Variants in PLLP observed in about 807,000 individuals in gnomAD.
The protein encoded by PLLP is plasmolipin.
PLLP carries 15 observed loss-of-function variants against 19.7 expected under a neutral mutation model. The observed-to-expected ratio is 0.76, with a 90% CI of 0.51 to 1.17. The LOEUF is 1.17. PLLP is among the 50% of genes most tolerant of loss of function. The pLI, the probability that PLLP is intolerant of heterozygous loss-of-function variation, is 0.00. For synonymous variants in PLLP, 111 were observed against 116.3 expected (o/e 0.95, Z 0.29); for missense variants, 255 against 258.3 (o/e 0.99, Z 0.09).
At chr16:57,257,621 C>T (rs1416077091) in intron 3 of PLLP, among the ~76,000 whole-genome samples, 7 of 152,134 alleles carry the variant, frequency 4.6e-5, no homozygotes, top group East Asian at 3.9e-4. Flanking sequence ...CTGTGGGTGT[C>T]GCAGGATCCT....
chr16:57,258,609 G>A lies in PLLP; in HGVS notation c.310-25C>T. ...ACTGCAGGACATGGGGGTAGGGAGT[G>A]GGGAGAGAAAAGGCTTAAGACACAA... On this transcript the variant is annotated intron_variant, in intron 2 of 3. Transcript: ENST00000219207. 1.9e-6 allele frequency: 3 copies of A among 1,610,618 alleles called. No homozygotes were observed. In the African/African-American group the frequency reaches 4.0e-5, roughly 21 times the overall value.
At chr16:57,257,841 T>TGACC (rs2075430595) in intron 3 of PLLP, among the ~76,000 whole-genome samples, 2 of 152,200 alleles carry the variant, frequency 1.3e-5, no homozygotes, top group South Asian at 4.1e-4. Flanking sequence ...AGGGGGCACG[T>TGACC]GACCCTAAGG....
chr16:57,281,517 C>CTTTTTTTTTTTTTTTTTTTTTTTTTTT (rs771314004), intron 1 of PLLP, among the ~76,000 whole-genome samples: 1 of 130,142 alleles, frequency 7.7e-6, no homozygotes, highest in African/African-American at 3.1e-5. Context: ...TTTTTTATTT[C>CTTTTTTTTTTTTTTTTTTTTTTTTTTT]TTTTTTTTTT....
intron 1 of PLLP, among the ~76,000 whole-genome samples, chr16:57,264,325 G>A (rs1175334829): frequency 4.6e-5 from 7 of 152,218 alleles, no homozygotes; most frequent in Non-Finnish European, 1.0e-4. Flanking sequence ...GTGGGGCCTC[G>A]AGCTTGGAAG....
At chr16:57,281,517 CT>C (rs771314004) in intron 1 of PLLP, among the ~76,000 whole-genome samples, 38 of 130,050 alleles carry the variant, frequency 2.9e-4, no homozygotes, top group East Asian at 2.3e-4. Flanking sequence ...TTTTTTATTT[CT>C]TTTTTTTTTT....
intron 1 of PLLP, among the ~76,000 whole-genome samples, chr16:57,281,180 G>A (rs1901214576): frequency 6.6e-6 from 1 of 152,218 alleles, no homozygotes; most frequent in South Asian, 2.1e-4. Context: ...TGGGAAGGTA[G>A]CAGCAAAGCC....
At chr16:57,269,701 C>T (rs1472282934) in intron 1 of PLLP, among the ~76,000 whole-genome samples, 1 of 151,982 alleles carries the variant, frequency 6.6e-6, no homozygotes, top group African/African-American at 2.4e-5. Context: ...GGAATGCAGG[C>T]CTGGGGTGAC....
At position 57,258,461 on chromosome 16, in the gene PLLP, C is replaced by T; in HGVS notation, c.432+1G>A. Reference sequence around the variant, plus strand: ...CAAGGGAGCCTGGGAAGCAGACTCACCGAGGCAGCCGCGCGCTGGTTATAA... The same window carrying T: ...CAAGGGAGCCTGGGAAGCAGACTCATCGAGGCAGCCGCGCGCTGGTTATAA... On this transcript the variant is annotated splice_donor_variant, in intron 3 of 3. Transcript: ENST00000219207. LOFTEE classifies it high-confidence loss of function. 1.2e-6 allele frequency: 2 copies of T among 1,609,370 alleles called. No homozygotes were observed. Among genetic ancestry groups the T allele is most frequent in the Non-Finnish European group, 1.7e-6 (2 of 1,179,736 alleles).
intron 1 of PLLP, among the ~76,000 whole-genome samples, chr16:57,275,641 C>CAAAAAA (rs57139241): frequency 2.4e-4 from 10 of 41,384 alleles, no homozygotes; most frequent in East Asian, 7.3e-4. Context: ...TTTTGCAAGG[C>CAAAAAA]AAAAAAAAAA....
intron 1 of PLLP, among the ~76,000 whole-genome samples, chr16:57,272,141 C>A (rs937704787): frequency 1.3e-5 from 2 of 152,222 alleles, no homozygotes; most frequent in Non-Finnish European, 2.9e-5. Flanking sequence ...TGGGCCCAAC[C>A]CTCTCAAGGG....
rs1443709632 is a variant in PLLP, at chr16:57,274,562, C to T, written c.135+9844G>A. Among the ~76,000 whole-genome samples the T allele has an allele frequency of 2.6e-5, 4 of 151,964 alleles. No individual in the cohort carries two copies. In the East Asian group the frequency reaches 7.7e-4, roughly 29 times the overall value. ...CTGCCTCCGGGGTTCAAGCGATTCT[C>T]ATGCCTCAGCCTCCCGAGTAGTTGG... On this transcript the variant is annotated intron_variant, in intron 1 of 3. Transcript: ENST00000219207.
intron 2 of PLLP, 147 bp from the exon 3 acceptor site, chr16:57,258,731 G>C (rs984687640): frequency 1.4e-6 from 1 of 730,758 alleles, no homozygotes. Flanking sequence ...AGACCAGCCT[G>C]GGGAACATAG....
intron 1 of PLLP, among the ~76,000 whole-genome samples, chr16:57,266,990 G>A (rs1415534821): frequency 6.7e-6 from 1 of 150,166 alleles, no homozygotes; most frequent in Non-Finnish European, 1.5e-5. Flanking sequence ...CCAAACAATT[G>A]GGTAACGAAG....
chr16:57,277,718 G>A (rs1336721676), intron 1 of PLLP, among the ~76,000 whole-genome samples: 1 of 152,170 alleles, frequency 6.6e-6, no homozygotes, highest in East Asian at 1.9e-4. Flanking sequence ...GCATGGCTTG[G>A]CACATGCCCA....
chr16:57,284,299 G>A (rs1901254899), intron 1 of PLLP, 107 bp downstream of exon 1: 1 of 1,018,886 alleles, frequency 9.8e-7, no homozygotes, highest in Non-Finnish European at 1.3e-6. Flanking sequence ...GAGCCCGGGT[G>A]GGGAGCGCAA....
At position 57,284,490 on chromosome 16, in the gene PLLP, C is replaced by T. The variant is rs1901258877; in HGVS notation, c.51G>A (p.Gln17=). The T allele has an allele frequency of 1.4e-6, 2 of 1,428,076 alleles. No individual in the cohort carries two copies. The highest frequency in any genetic ancestry group is 1.5e-5 in the African/African-American group (1 of 67,880). 88.5% of individuals were successfully genotyped at this position (1,428,076 alleles called of 1,614,324 possible). A position where few individuals can be genotyped will look rare whatever the true frequency, so the allele number is the denominator to read the frequency against. Residue 17 remains glutamine, a synonymous_variant, in exon 1 of 4, where the codon CAG becomes CAA. Transcript: ENST00000219207. The part of the protein sequence containing the change: ...KVSTRTSSPA[Q]GAEASVSALR... ...GCGCCGACACCGAGGCTTCGGCGCC[C>T]TGCGCAGGACTGCTGGTCCGCGTGC...
chr16:57,257,413 C>T (rs2075429225), intron 3 of PLLP, among the ~76,000 whole-genome samples: 1 of 152,276 alleles, frequency 6.6e-6, no homozygotes, highest in East Asian at 1.9e-4. Context: ...CATTCAGAAG[C>T]TCCCCGTCTC....
intron 1 of PLLP, among the ~76,000 whole-genome samples, chr16:57,275,278 G>A (rs1439307192): frequency 6.6e-6 from 1 of 152,074 alleles, no homozygotes; most frequent in Non-Finnish European, 1.5e-5. Context: ...TGTCTTCTTT[G>A]AGGGGTGGGG....
intron 1 of PLLP, among the ~76,000 whole-genome samples, chr16:57,282,307 G>A (rs935629030): frequency 6.6e-6 from 1 of 151,330 alleles, no homozygotes; most frequent in East Asian, 1.9e-4. Flanking sequence ...GCAGTGGTGC[G>A]ATCAAAGTCA....
Sources: gnomAD v4.1 joint callset for allele counts (sites outside exome capture counted in the v4.1 genomes callset) on GRCh38, gnomAD v4.1.1 for gene constraint, MANE v1.5 for transcripts, NCBI Gene and HGNC (gene_info 2026-07-23, HGNC 2026-07-21) for gene names.